Variants in ZBTB46 observed in about 807,000 individuals in gnomAD.
The protein encoded by ZBTB46 is zinc finger and BTB domain-containing protein 46.
Under a neutral mutation model 44.1 loss-of-function variants are expected in ZBTB46, and 8 were observed. The observed-to-expected ratio is 0.18, with a 90% CI of 0.11 to 0.33. The LOEUF (loss-of-function observed/expected upper bound fraction) is 0.33. ZBTB46 is among the 10% of genes least tolerant of loss of function. The pLI is 1.00. For synonymous variants in ZBTB46, 409 were observed against 382.3 expected (o/e 1.07, Z -0.81); for missense variants, 651 against 847.7 (o/e 0.77, Z 2.88).
chr20:63,808,445 C>T (rs1319427237), intron 1 of ZBTB46, among the ~76,000 whole-genome samples: 1 of 152,134 alleles, frequency 6.6e-6, no homozygotes, highest in African/African-American at 2.4e-5. Context: ...ACAGGGTCAT[C>T]CGGACCCACA....
At chr20:63,775,068 G>T (rs2092412845) in intron 3 of ZBTB46, among the ~76,000 whole-genome samples, 1 of 152,198 alleles carries the variant, frequency 6.6e-6, no homozygotes, top group Non-Finnish European at 1.5e-5. Flanking sequence ...TCAGTCTGGG[G>T]TGAGCCCGAC....
At chr20:63,830,912 C>T (rs1475200868) in intron 1 of ZBTB46, among the ~76,000 whole-genome samples, 185 bp downstream of exon 1, 1 of 142,066 alleles carries the variant, frequency 7.0e-6, no homozygotes, top group Admixed American at 6.9e-5. Flanking sequence ...GGAGCCCGCG[C>T]CGCAGCTGGG....
intron 1 of ZBTB46, among the ~76,000 whole-genome samples, chr20:63,813,978 T>C (rs1401551433): frequency 6.6e-6 from 1 of 152,180 alleles, no homozygotes; most frequent in Non-Finnish European, 1.5e-5. Context: ...CTCACGCCTG[T>C]AATCCCAGCA....
At chr20:63,807,673 C>T (rs1365792870) in intron 1 of ZBTB46, among the ~76,000 whole-genome samples, 1 of 152,248 alleles carries the variant, frequency 6.6e-6, no homozygotes, top group African/African-American at 2.4e-5. Context: ...TAACATTTTG[C>T]CGCATTTGTT....
At chr20:63,815,581 T>C (rs2092746457) in intron 1 of ZBTB46, among the ~76,000 whole-genome samples, 1 of 113,136 alleles carries the variant, frequency 8.8e-6, no homozygotes, top group African/African-American at 3.5e-5. Context: ...CAGGTGCAGG[T>C]GAGCACAGGT....
rs1439345745 is a variant in ZBTB46, at chr20:63,803,875, T to G, written c.-33-13085A>C. 1.3e-5 allele frequency among the ~76,000 whole-genome samples: 2 copies of G among 152,166 alleles called. No individual in the cohort carries two copies. The highest frequency in any genetic ancestry group is 2.9e-5 in the Non-Finnish European group (2 of 68,024). The stretch of plus-strand genomic sequence containing the variant: ...GGGGCACGCCACCACACGGGCTAAT[T>G]TTTTTGTTTTGTAGAGACGGGGTTC... On this transcript the variant is annotated intron_variant, in intron 1 of 4. Transcript: ENST00000245663. This position sits in a 1 kb window ranked among gnomAD's most constrained non-coding sequence, Gnocchi z 4.0.
Position 63,755,319 on chromosome 20 carries a change from G to A in ZBTB46, c.1223-2458C>T, listed in dbSNP as rs555361960. Among the ~76,000 whole-genome samples, 22 of 152,362 alleles carry A rather than the reference G, an allele frequency of 1.4e-4. No homozygotes were observed. The East Asian group carries it at 4.1e-3, about 28-fold the overall frequency. ...TGGAGGCCAAAGGTCAGAGATCAAG[G>A]CATCAGCACGGGCTGGCTCTCTCCA... is the stretch of plus-strand genomic sequence containing the variant. On this transcript the variant is annotated intron_variant, in intron 3 of 4. Coordinates refer to ENST00000245663, the MANE Select transcript of ZBTB46 (RefSeq NM_001369741.1).
At chr20:63,810,759 A>C (rs1184822668) in intron 1 of ZBTB46, among the ~76,000 whole-genome samples, 1 of 152,198 alleles carries the variant, frequency 6.6e-6, no homozygotes. Context: ...AAACAAAAAA[A>C]TAAATAAAAA....
In ZBTB46 at chr20:63,746,555, G is replaced by A. The variant is rs576380378; in HGVS notation, c.*375C>T. ...TGCTCAGGCCAGGGGCCTCTGGGCC[G>A]AACACACCACCCCGCCCAGTGCCCA... is the stretch of plus-strand genomic sequence containing the variant. On this transcript the variant is annotated 3_prime_UTR_variant, in exon 5 of 5. Coordinates refer to ENST00000245663, the MANE Select transcript of ZBTB46 (RefSeq NM_001369741.1). 5.1e-5 allele frequency: 11 copies of A among 216,424 alleles called. No individual in the cohort carries two copies. The highest frequency in any genetic ancestry group is 1.2e-4 in the Admixed American group (2 of 17,136). The allele number at this position is 216,424 out of a possible 1,614,324, so 13.4% of individuals were successfully genotyped here.
intron 1 of ZBTB46, among the ~76,000 whole-genome samples, chr20:63,795,490 A>C (rs573629336): frequency 6.6e-6 from 1 of 152,372 alleles, no homozygotes; most frequent in Non-Finnish European, 1.5e-5. Context: ...GCGCCAGCAC[A>C]CTGTGCTTTT....
At chr20:63,823,858 TTGTGTGTGTGTG>T (rs11474683) in intron 1 of ZBTB46, among the ~76,000 whole-genome samples, 21 of 144,816 alleles carry the variant, frequency 1.5e-4, no homozygotes, top group Non-Finnish European at 2.7e-4. Flanking sequence ...TCTAGGAACC[TTGTGTGTGTGTG>T]TGTGTGTGTG....
chr20:63,830,083 A>G (rs1262205699), intron 1 of ZBTB46, among the ~76,000 whole-genome samples: 1 of 152,230 alleles, frequency 6.6e-6, no homozygotes, highest in African/African-American at 2.4e-5. Flanking sequence ...TGCGAATCTC[A>G]AACTTTCTTT....
At chr20:63,763,571 G>A (rs1213774616) in intron 3 of ZBTB46, among the ~76,000 whole-genome samples, 2 of 152,160 alleles carry the variant, frequency 1.3e-5, no homozygotes, top group East Asian at 3.9e-4. Context: ...ACCGGATCTT[G>A]TGAGACCTCA....
chr20:63,793,957 C>T (rs1024653447), intron 1 of ZBTB46, among the ~76,000 whole-genome samples: 5 of 152,016 alleles, frequency 3.3e-5, no homozygotes, highest in African/African-American at 9.7e-5. Context: ...GAGGCCGAGG[C>T]GGGTGGATCA....
Position 63,790,466 on chromosome 20 carries a change from T to A in ZBTB46, c.292A>T (p.Thr98Ser), listed in dbSNP as rs2092552280. 6.2e-7 allele frequency: 1 copy of A among 1,613,336 alleles called. No individual in the cohort carries two copies. Among genetic ancestry groups the A allele is most frequent in the South Asian group, 1.1e-5 (1 of 91,092 alleles). Residue 98 changes from threonine (T) to serine (S), a missense_variant, in exon 2 of 5, where the codon ACC (threonine) becomes TCC (serine). Physicochemically the swap from Thr to Ser is moderately conservative, Grantham distance 58. This residue lies in a region of ZBTB46 where 65 missense variants were observed against 167.9 expected (regional missense o/e 0.39). Coordinates refer to ENST00000245663, the MANE Select transcript of ZBTB46 (RefSeq NM_001369741.1). ...ATCACCTCGATGACGTTCCTGCTGG[T>A]GAGCGCCAGGTGCGCTGAGTACATG... ...DFMYSAHLAL[T>S]SRNVIEVMSA... is the part of the protein sequence containing the mutation.
At chr20:63,810,429 T>C (rs889592660) in intron 1 of ZBTB46, among the ~76,000 whole-genome samples, 2 of 152,086 alleles carry the variant, frequency 1.3e-5, no homozygotes, top group Non-Finnish European at 2.9e-5. Flanking sequence ...ACACTCAGGA[T>C]AGGCACCAAA....
intron 1 of ZBTB46, among the ~76,000 whole-genome samples, chr20:63,821,950 A>G (rs2092794553): frequency 6.6e-6 from 1 of 152,200 alleles, no homozygotes; most frequent in Admixed American, 6.5e-5. Context: ...TCAGAGCACA[A>G]GGCTGTCCCG....
chr20:63,749,137 A>G (rs1047495482), intron 4 of ZBTB46, among the ~76,000 whole-genome samples: 1 of 152,182 alleles, frequency 6.6e-6, no homozygotes, highest in African/African-American at 2.4e-5. Flanking sequence ...CTGCTTCCAG[A>G]GCAACTGTGT....
intron 3 of ZBTB46, among the ~76,000 whole-genome samples, chr20:63,774,673 G>A (rs1299481829): frequency 2.1e-5 from 2 of 97,150 alleles, no homozygotes; most frequent in Admixed American, 2.4e-4. Flanking sequence ...AGCTGGCTGG[G>A]GGCTGGCTGC....
Sources: allele counts gnomAD v4.1 joint callset (sites outside exome capture counted in the v4.1 genomes callset), GRCh38; gene constraint gnomAD v4.1.1; regional missense constraint gnomAD v4.1.1; non-coding constraint Gnocchi (gnomAD v3.1); transcripts MANE v1.5; gene names NCBI Gene and HGNC (gene_info 2026-07-23, HGNC 2026-07-21).